ARHGAP24: variants seen among roughly 807,000 people sequenced by gnomAD.
The protein encoded by ARHGAP24 is Rho GTPase activating protein 24.
Under a neutral mutation model 76.4 loss-of-function variants are expected in ARHGAP24, and 50 were observed. The ratio of observed to expected loss-of-function variants is 0.65; its 90% CI spans 0.52 to 0.83. ARHGAP24 has a LOEUF of 0.83. Ranked by LOEUF, ARHGAP24 falls within the 40% of genes least tolerant of loss-of-function variation. The probability of loss-of-function intolerance (pLI) is 0.00; values close to 1 mark genes in which losing one functional copy is unlikely to be tolerated. For missense variants in ARHGAP24, 930 were observed against 914.2 expected, an observed-to-expected ratio of 1.02 and a Z score of -0.22; for synonymous variants, 345 against 323.3, an observed-to-expected ratio of 1.07 and a Z score of -0.72.
chr4:85,582,992 G>C (rs1727680897), intron 2 of ARHGAP24, among the ~76,000 whole-genome samples: 1 of 152,044 alleles, frequency 6.6e-6, no homozygotes, highest in African/African-American at 2.4e-5. Context: ...GAGTTGTGCG[G>C]TGCTTCCCTG....
chr4:85,551,126 T>G (rs1279044726), intron 1 of ARHGAP24, among the ~76,000 whole-genome samples: 1 of 152,210 alleles, frequency 6.6e-6, no homozygotes, highest in Non-Finnish European at 1.5e-5. Flanking sequence ...GGGGAATGCT[T>G]CTAGCTTTTG....
intron 3 of ARHGAP24, among the ~76,000 whole-genome samples, chr4:85,792,363 A>G (rs1728169607): frequency 6.6e-6 from 1 of 152,168 alleles, no homozygotes; most frequent in Admixed American, 6.5e-5. Context: ...CCGTGTTACC[A>G]ATATAAAAGC....
intron 5 of ARHGAP24, among the ~76,000 whole-genome samples, chr4:85,945,420 A>G (rs930747620): frequency 1.4e-4 from 22 of 152,276 alleles, no homozygotes; most frequent in African/African-American, 5.1e-4. Flanking sequence ...AAATAGTGCA[A>G]CGAGTGTAAA....
At chr4:85,519,524 T>C (rs1301518645) in intron 1 of ARHGAP24, among the ~76,000 whole-genome samples, 1 of 152,110 alleles carries the variant, frequency 6.6e-6, no homozygotes, top group African/African-American at 2.4e-5. Context: ...AATGAGAGCT[T>C]GGAAGTGGGT....
intron 3 of ARHGAP24, among the ~76,000 whole-genome samples, chr4:85,868,758 C>T (rs183569292): frequency 6.6e-6 from 1 of 152,098 alleles, no homozygotes; most frequent in Non-Finnish European, 1.5e-5. Context: ...TAAGAACTCT[C>T]TACACTATCT....
intron 2 of ARHGAP24, among the ~76,000 whole-genome samples, chr4:85,633,000 G>A (rs958685904): frequency 6.6e-6 from 1 of 151,418 alleles, no homozygotes; most frequent in Non-Finnish European, 1.5e-5. Flanking sequence ...TGTATGCTTG[G>A]CTCAAGGGAA....
intron 3 of ARHGAP24, among the ~76,000 whole-genome samples, chr4:85,799,356 C>T (rs1728488730): frequency 6.6e-6 from 1 of 151,896 alleles, no homozygotes; most frequent in South Asian, 2.1e-4. Context: ...TGAAAGGGCC[C>T]ACTAACCAAC....
At chr4:85,480,627 C>G (rs1722778235) in intron 1 of ARHGAP24, among the ~76,000 whole-genome samples, 1 of 151,990 alleles carries the variant, frequency 6.6e-6, no homozygotes, top group Non-Finnish European at 1.5e-5. Flanking sequence ...TTTTTGGAAC[C>G]AATAATTGTT....
chr4:85,707,704 C>T (rs1724371990), intron 2 of ARHGAP24, among the ~76,000 whole-genome samples: 1 of 152,040 alleles, frequency 6.6e-6, no homozygotes, highest in African/African-American at 2.4e-5. Flanking sequence ...GAATGGACCG[C>T]TAATGAACAT....
intron 1 of ARHGAP24, among the ~76,000 whole-genome samples, chr4:85,554,714 T>G (rs1334272652): frequency 6.6e-6 from 1 of 152,064 alleles, no homozygotes; most frequent in Non-Finnish European, 1.5e-5. Context: ...CAGGCTGGAG[T>G]GTTTGTAGTG....
intron 5 of ARHGAP24, among the ~76,000 whole-genome samples, chr4:85,948,703 A>T (rs1737425732): frequency 6.6e-6 from 1 of 152,206 alleles, no homozygotes; most frequent in African/African-American, 2.4e-5. Context: ...AGAAATCATA[A>T]AAAAAGGTTT....
chr4:85,835,930 G>A (rs1730263605), intron 3 of ARHGAP24, among the ~76,000 whole-genome samples: 1 of 152,080 alleles, frequency 6.6e-6, no homozygotes, highest in Non-Finnish European at 1.5e-5. Flanking sequence ...AAGTGGCCCA[G>A]CTGCCTTGGC....
intron 3 of ARHGAP24, among the ~76,000 whole-genome samples, chr4:85,918,695 A>G (rs1025503005): frequency 6.6e-6 from 1 of 152,128 alleles, no homozygotes; most frequent in African/African-American, 2.4e-5. Flanking sequence ...AAGAGAATCT[A>G]TTTTATTTTT....
chr4:85,655,791 A>AGAGAGAGAGC (rs1722131009), intron 2 of ARHGAP24, among the ~76,000 whole-genome samples: 1 of 52,170 alleles, frequency 1.9e-5, no homozygotes, highest in Admixed American at 2.3e-4. Flanking sequence ...ATATATATAT[A>AGAGAGAGAGC]TAGAGAGAGA....
At chr4:85,791,599 C>T (rs1728130209) in intron 3 of ARHGAP24, among the ~76,000 whole-genome samples, 1 of 152,114 alleles carries the variant, frequency 6.6e-6, no homozygotes, top group Admixed American at 6.6e-5. Context: ...TGTCCCACTT[C>T]CATGTAGAAG....
chr4:85,496,183 G>A (rs2110096481), intron 1 of ARHGAP24, among the ~76,000 whole-genome samples: 1 of 152,298 alleles, frequency 6.6e-6, no homozygotes, highest in South Asian at 2.1e-4. Flanking sequence ...AGAGTTACCG[G>A]GAACCATGAA....
At position 85,655,822 on chromosome 4, in the gene ARHGAP24, G is replaced by GAA. The variant is rs1722143028; in HGVS notation, c.181-66062_181-66061insAA. 4.4e-4 allele frequency among the ~76,000 whole-genome samples: 47 copies of GAA among 107,942 alleles called. 1 individual carries two copies. The highest frequency in any genetic ancestry group is 1.5e-3 in the African/African-American group (40 of 26,366). The allele number at this position is 107,942 out of a possible 152,430, so 70.8% of individuals were successfully genotyped here. A position where few individuals can be genotyped will look rare whatever the true frequency, so the allele number is the denominator to read the frequency against. On this transcript the variant is annotated intron_variant, in intron 2 of 9. Coordinates refer to ENST00000395184, the MANE Select transcript of ARHGAP24 (RefSeq NM_001025616.3). The stretch of plus-strand genomic sequence containing the variant: ...AGAGAGAGAGAGAGAGAGAGAAAGA[G>GAA]AGAGAGAGAGAGAGAGAGAGAGACA...
At chr4:85,978,716 A>G (rs1739476831) in intron 8 of ARHGAP24, among the ~76,000 whole-genome samples, 1 of 152,174 alleles carries the variant, frequency 6.6e-6, no homozygotes, top group Admixed American at 6.5e-5. Flanking sequence ...ACATGCACAC[A>G]CACATACACA....
At position 85,748,666 on chromosome 4, in the gene ARHGAP24, T is replaced by C. The variant is rs576302021; in HGVS notation, c.268+26694T>C. 6.6e-5 allele frequency among the ~76,000 whole-genome samples: 10 copies of C among 152,260 alleles called. No individual in the cohort carries two copies. In the East Asian group the frequency reaches 1.7e-3, roughly 26 times the overall value. On this transcript the variant is annotated intron_variant, in intron 3 of 9. Transcript: ENST00000395184. ...AATATATGCAAACTTTGAAAAAAGATTTACATAAAAATAAAAATGCCAAGA... is the reference window on the plus strand; with the variant it reads ...AATATATGCAAACTTTGAAAAAAGACTTACATAAAAATAAAAATGCCAAGA...
Sources: allele counts gnomAD v4.1 joint callset (sites outside exome capture counted in the v4.1 genomes callset), GRCh38; gene constraint gnomAD v4.1.1; transcripts MANE v1.5; gene names NCBI Gene and HGNC (gene_info 2026-07-23, HGNC 2026-07-21).